SRGAP1: variants seen among roughly 807,000 people sequenced by gnomAD.
SRGAP1 encodes the protein SLIT-ROBO Rho GTPase-activating protein 1.
A neutral mutation model predicts 121.9 loss-of-function variants in SRGAP1; 43 were observed. That is an observed-to-expected ratio of 0.35 (90% CI 0.28 to 0.46). SRGAP1 has a LOEUF of 0.46. SRGAP1 is among the 20% of genes least tolerant of loss of function. The pLI is 1.00. For missense variants in SRGAP1, 1,102 were observed against 1,350.9 expected, an observed-to-expected ratio of 0.82 and a Z score of 2.89; for synonymous variants, 447 against 485.4, an observed-to-expected ratio of 0.92 and a Z score of 1.04.
At chr12:64,039,148 T>G (rs909304621) in intron 4 of SRGAP1, among the ~76,000 whole-genome samples, 2 of 152,218 alleles carry the variant, frequency 1.3e-5, no homozygotes, top group African/African-American at 4.8e-5. Flanking sequence ...TCCCCAACTT[T>G]TAAAATTCAT....
At chr12:64,009,248 A>G (rs2034182664) in intron 3 of SRGAP1, among the ~76,000 whole-genome samples, 2 of 152,180 alleles carry the variant, frequency 1.3e-5, no homozygotes, top group African/African-American at 4.8e-5. Context: ...GATTTTAATT[A>G]AGTAGGTTTA....
rs1485279131 is a variant in SRGAP1 at position 64,142,651 on chromosome 12, A to G, written c.3237A>G (p.Thr1079=). ...CTGCCCCACCTCCCCAGGGTCCAAC[A>G]GACAAGTCATGCACAATGTAAAAAC... The part of the protein sequence containing the change: ...IGPAPPPQGP[T]DKSCTM The change falls in exon 22 of 22, where the codon ACA becomes ACG. Residue 1079 remains threonine (T), a synonymous_variant. Coordinates refer to ENST00000355086, the MANE Select transcript of SRGAP1 (RefSeq NM_020762.4). The G allele has an allele frequency of 1.9e-6, 3 of 1,614,084 alleles. No individual in the cohort carries two copies. The East Asian group carries it at 6.7e-5, about 36-fold the overall frequency.
rs1245826099 is a variant in SRGAP1 at position 63,870,664 on chromosome 12, T to C, written c.67+25781T>C. Among the ~76,000 whole-genome samples, 4 of 151,798 alleles carry C rather than the reference T, an allele frequency of 2.6e-5. No individual in the cohort carries two copies. In the East Asian group the frequency reaches 7.8e-4, roughly 30 times the overall value. ...AAGTGATTCTCCTGCGTCAACCTCC[T>C]GAGTAGCTGGGACTGCAGGCGTGTG... On this transcript the variant is annotated intron_variant, in intron 1 of 21. Coordinates refer to ENST00000355086, the MANE Select transcript of SRGAP1 (RefSeq NM_020762.4).
chr12:63,854,320 C>A (rs535526160), intron 1 of SRGAP1, among the ~76,000 whole-genome samples: 3 of 152,090 alleles, frequency 2.0e-5, no homozygotes, highest in African/African-American at 7.2e-5. Context: ...TGAACACTTT[C>A]TGAATTTTTA....
intron 4 of SRGAP1, among the ~76,000 whole-genome samples, chr12:64,031,650 CCT>C (rs924916748): frequency 3.6e-4 from 55 of 152,140 alleles, no homozygotes; most frequent in African/African-American, 1.2e-3. Context: ...TACACTATTT[CCT>C]CTGAGCTTCA....
chr12:63,946,583 G>A (rs145763419), intron 1 of SRGAP1, among the ~76,000 whole-genome samples: 1,691 of 142,896 alleles, frequency 0.012, 8 homozygotes, highest in Middle Eastern at 0.018. Flanking sequence ...TCTCTCTCTC[G>A]CCCACGCTGG....
intron 15 of SRGAP1, among the ~76,000 whole-genome samples, chr12:64,103,443 A>AT (rs1215333975): frequency 6.6e-6 from 1 of 152,142 alleles, no homozygotes; most frequent in Non-Finnish European, 1.5e-5. Flanking sequence ...GTTTCCAGTG[A>AT]TTTTGCAACT....
intron 18 of SRGAP1, among the ~76,000 whole-genome samples, chr12:64,119,770 C>CTTTTTTT (rs997729181): frequency 5.6e-5 from 6 of 107,448 alleles, no homozygotes; most frequent in Admixed American, 9.4e-5. Flanking sequence ...TTATTTGTTT[C>CTTTTTTT]TTTTTTTTTT....
chr12:63,998,720 G>C (rs7313754), intron 3 of SRGAP1, among the ~76,000 whole-genome samples: 72,628 of 152,002 alleles, frequency 0.48, 17,858 homozygotes, highest in African/African-American at 0.6. Context: ...AGCTCAGCCT[G>C]CCATTTGACT....
At chr12:63,864,338 A>G (rs538553170) in intron 1 of SRGAP1, among the ~76,000 whole-genome samples, 2 of 152,296 alleles carry the variant, frequency 1.3e-5, no homozygotes, top group Non-Finnish European at 2.9e-5. Flanking sequence ...TGGGTATTTC[A>G]CAGTCTCATA....
At chr12:63,976,427 C>T (rs113741244) in intron 1 of SRGAP1, among the ~76,000 whole-genome samples, 1 of 152,254 alleles carries the variant, frequency 6.6e-6, no homozygotes, top group African/African-American at 2.4e-5. Flanking sequence ...TGGATATGTC[C>T]GCCCCAGACT....
intron 4 of SRGAP1, among the ~76,000 whole-genome samples, chr12:64,026,015 T>G (rs1269829506): frequency 6.6e-6 from 1 of 152,186 alleles, no homozygotes; most frequent in African/African-American, 2.4e-5. Flanking sequence ...GTTTATAGTT[T>G]CATTTTCTTT....
chr12:63,994,777 A>G (rs561133575), intron 3 of SRGAP1, among the ~76,000 whole-genome samples: 3 of 152,292 alleles, frequency 2.0e-5, no homozygotes, highest in Admixed American at 1.3e-4. Flanking sequence ...CTTGTTTCCC[A>G]AAGAACCAGG....
At chr12:64,083,740 T>C (rs538122795) in intron 10 of SRGAP1, among the ~76,000 whole-genome samples, 5 of 152,342 alleles carry the variant, frequency 3.3e-5, no homozygotes, top group Admixed American at 3.3e-4. Context: ...AGCCTTAATG[T>C]TCACATTGGC....
chr12:64,101,308 G>GATGT (rs1555174256), intron 15 of SRGAP1, among the ~76,000 whole-genome samples: 1 of 138,010 alleles, frequency 7.2e-6, no homozygotes, highest in African/African-American at 2.7e-5. Context: ...TGGGGAAAGG[G>GATGT]GTGTGTGTGT....
At chr12:63,864,787 G>T (rs1048919556) in intron 1 of SRGAP1, among the ~76,000 whole-genome samples, 1 of 151,924 alleles carries the variant, frequency 6.6e-6, no homozygotes, top group African/African-American at 2.4e-5. Flanking sequence ...AGGATCCTGC[G>T]ACAGGAAAAG....
chr12:63,919,521 T>TATATATATATATATATAC (rs1491241907), intron 1 of SRGAP1, among the ~76,000 whole-genome samples: 1 of 139,072 alleles, frequency 7.2e-6, no homozygotes, highest in African/African-American at 2.8e-5. Flanking sequence ...TATATATATA[T>TATATATATATATATATAC]ACACATACAC....
chr12:64,018,778 G>C (rs2136468530), intron 4 of SRGAP1, among the ~76,000 whole-genome samples: 1 of 152,266 alleles, frequency 6.6e-6, no homozygotes, highest in South Asian at 2.1e-4. Flanking sequence ...TGATTTTTAT[G>C]TGATAAAGGC....
At chr12:63,920,258 C>G (rs771760387) in intron 1 of SRGAP1, among the ~76,000 whole-genome samples, 71 of 152,164 alleles carry the variant, frequency 4.7e-4, no homozygotes, top group Non-Finnish European at 9.3e-4. Flanking sequence ...TGAGATATAG[C>G]CTCTGAAGAG....
Sources: allele counts gnomAD v4.1 joint callset (sites outside exome capture counted in the v4.1 genomes callset), GRCh38; gene constraint gnomAD v4.1.1; transcripts MANE v1.5; gene names NCBI Gene and HGNC (gene_info 2026-07-23, HGNC 2026-07-21).